The following CTNNA2 variants were observed in gnomAD, a reference collection of about 807,000 sequenced individuals.
The protein encoded by CTNNA2 is catenin alpha-2.
Under a neutral mutation model 101.0 loss-of-function variants are expected in CTNNA2, and 42 were observed. The observed-to-expected ratio is 0.42, with a 90% CI of 0.32 to 0.54. CTNNA2 has a LOEUF of 0.54. Among genes scored for constraint, CTNNA2 ranks in the 20% least tolerant of loss-of-function variants. The pLI, the probability that CTNNA2 is intolerant of heterozygous loss-of-function variation, is 0.14. For missense variants in CTNNA2, 871 were observed against 1,223.1 expected, an observed-to-expected ratio of 0.71 and a Z score of 4.29; for synonymous variants, 450 against 456.4, an observed-to-expected ratio of 0.99 and a Z score of 0.18.
chr2:79,350,530 C>G (rs797008292), intron 3 of CTNNA2, among the ~76,000 whole-genome samples: 1 of 152,078 alleles, frequency 6.6e-6, no homozygotes, highest in African/African-American at 2.4e-5. Context: ...TTATTCCAAT[C>G]CACCTCTGAT....
At chr2:80,358,230 A>G (rs532364690) in intron 7 of CTNNA2, among the ~76,000 whole-genome samples, 30 of 152,166 alleles carry the variant, frequency 2.0e-4, no homozygotes, top group African/African-American at 7.0e-4. Context: ...TTCAATAGTC[A>G]TTAACCATTG....
intron 9 of CTNNA2, among the ~76,000 whole-genome samples, chr2:80,434,692 C>G (rs1310215332): frequency 2.0e-5 from 3 of 151,722 alleles, no homozygotes; most frequent in African/African-American, 7.3e-5. Context: ...GTCTGGAACT[C>G]CTGGGGTCAA....
intron 3 of CTNNA2, among the ~76,000 whole-genome samples, chr2:79,328,276 T>G (rs1676792718): frequency 6.6e-6 from 1 of 151,976 alleles, no homozygotes; most frequent in African/African-American, 2.4e-5. Context: ...AGGAAGCATG[T>G]TTTCAAGGAG....
rs114255340 is a variant in CTNNA2, at chr2:80,196,063, G to A, written c.1057-197148G>A. ...AAGTGATATTTTGCTTACGTGGCAG[G>A]GTAGTGAAATTATGTCTTTGAATGT... On this transcript the variant is annotated intron_variant, in intron 7 of 18. Coordinates refer to ENST00000402739, the MANE Select transcript of CTNNA2 (RefSeq NM_001282597.3). Among the ~76,000 whole-genome samples the A allele has an allele frequency of 4.5e-3, 684 of 152,164 alleles. 6 individuals carry two copies. Among genetic ancestry groups the A allele is most frequent in the African/African-American group, 0.015 (638 of 41,546 alleles).
intron 9 of CTNNA2, among the ~76,000 whole-genome samples, chr2:80,494,538 G>A (rs1481729532): frequency 6.6e-6 from 1 of 151,970 alleles, no homozygotes; most frequent in African/African-American, 2.4e-5. Flanking sequence ...ATAGAACAGA[G>A]GATTCTTGTG....
At chr2:79,202,439 T>C (rs1230728598) in intron 2 of CTNNA2, among the ~76,000 whole-genome samples, 1 of 151,896 alleles carries the variant, frequency 6.6e-6, no homozygotes, top group Non-Finnish European at 1.5e-5. Context: ...GATTCTTGAG[T>C]TCAAGTGATC....
rs1241553780 is a variant in CTNNA2, at chr2:80,297,974, G to GGT, written c.1057-95225_1057-95224dup. Among the ~76,000 whole-genome samples the GGT allele has an allele frequency of 7.9e-5, 12 of 151,204 alleles. 1 individual carries two copies. In the East Asian group the frequency reaches 1.8e-3, roughly 22 times the overall value. On this transcript the variant is annotated intron_variant, in intron 7 of 18. Coordinates refer to ENST00000402739, the MANE Select transcript of CTNNA2 (RefSeq NM_001282597.3). Reference sequence around the variant, plus strand: ...ATGGTCACCTGCCTGCGCGTGTATGGGTGTGTGTGTGTGGTTATATATGTG... The same window carrying GGT: ...ATGGTCACCTGCCTGCGCGTGTATGGGTGTGTGTGTGTGTGGTTATATATGTG...
chr2:80,143,643 C>T (rs552069467), intron 7 of CTNNA2, among the ~76,000 whole-genome samples: 7 of 151,948 alleles, frequency 4.6e-5, no homozygotes, highest in African/African-American at 1.2e-4. Context: ...CACGATATTA[C>T]GTAAAATACA....
chr2:79,647,354 G>A (rs1680893401), intron 1 of CTNNA2, among the ~76,000 whole-genome samples: 1 of 152,122 alleles, frequency 6.6e-6, no homozygotes, highest in Non-Finnish European at 1.5e-5. Context: ...ATATTTCCAG[G>A]AATGTTAGCA....
intron 7 of CTNNA2, among the ~76,000 whole-genome samples, chr2:80,173,818 G>C (rs1705221959): frequency 6.6e-6 from 1 of 152,104 alleles, no homozygotes; most frequent in Non-Finnish European, 1.5e-5. Context: ...AGCTCACCTA[G>C]GGAATGTACA....
intron 9 of CTNNA2, among the ~76,000 whole-genome samples, chr2:80,466,488 A>G (rs1482571600): frequency 6.6e-6 from 1 of 152,242 alleles, no homozygotes; most frequent in African/African-American, 2.4e-5. Context: ...CATTTCTTTA[A>G]CATACCAAAT....
At position 80,302,571 on chromosome 2, in the gene CTNNA2, C is replaced by T. The variant is rs144531548; in HGVS notation, c.1057-90640C>T. On this transcript the variant is annotated intron_variant, in intron 7 of 18. Coordinates refer to ENST00000402739, the MANE Select transcript of CTNNA2 (RefSeq NM_001282597.3). This position sits in a 1 kb window ranked among gnomAD's most constrained non-coding sequence, Gnocchi z 6.4. ...ATCTGCACGGCGTTCTCGGCGTGCTCGCCGCCTGGAAGAGCCACGGTGGCA... is the reference window on the plus strand; with the variant it reads ...ATCTGCACGGCGTTCTCGGCGTGCTTGCCGCCTGGAAGAGCCACGGTGGCA... 6.2e-6 allele frequency: 10 copies of T among 1,607,646 alleles called. No individual in the cohort carries two copies. The highest frequency in any genetic ancestry group is 1.1e-5 in the South Asian group (1 of 91,068).
Position 80,239,961 on chromosome 2 carries a change from A to G in CTNNA2, c.1057-153250A>G, listed in dbSNP as rs866380961. Among the ~76,000 whole-genome samples the G allele has an allele frequency of 1.0e-3, 152 of 152,152 alleles. 1 individual carries two copies. The highest frequency in any genetic ancestry group is 1.7e-3 in the Non-Finnish European group (118 of 68,022). ...CAAAACAAAACAAAGTCATAACAAT[A>G]TACTGTAATAAAAGCTGTGTGAATG... On this transcript the variant is annotated intron_variant, in intron 7 of 18. Transcript: ENST00000402739.
chr2:79,541,664 G>C (rs1384957929), intron 1 of CTNNA2, among the ~76,000 whole-genome samples: 2 of 147,880 alleles, frequency 1.4e-5, no homozygotes, highest in East Asian at 2.0e-4. Context: ...GTCTCTCTCT[G>C]TTGCCAGGCT....
At chr2:79,456,985 A>G (rs1341684350) in intron 4 of CTNNA2, among the ~76,000 whole-genome samples, 1 of 152,118 alleles carries the variant, frequency 6.6e-6, no homozygotes. Flanking sequence ...GCAGATCACG[A>G]GGTCAGGAGA....
intron 3 of CTNNA2, among the ~76,000 whole-genome samples, chr2:79,313,491 G>A (rs1255497255): frequency 6.6e-6 from 1 of 152,176 alleles, no homozygotes; most frequent in Non-Finnish European, 1.5e-5. Flanking sequence ...ATTAGGTGCA[G>A]AGGGGCAAAG....
intron 4 of CTNNA2, among the ~76,000 whole-genome samples, chr2:79,403,119 C>A (rs1678307140): frequency 6.6e-6 from 1 of 151,650 alleles, no homozygotes; most frequent in East Asian, 1.9e-4. Context: ...AAAACTAAAG[C>A]ATAAATAAAG....
intron 7 of CTNNA2, among the ~76,000 whole-genome samples, chr2:80,318,042 C>T (rs1268951587): frequency 6.6e-6 from 1 of 152,168 alleles, no homozygotes; most frequent in Non-Finnish European, 1.5e-5. Flanking sequence ...GACTACCCCT[C>T]ACCCCATCTA....
At chr2:80,420,182 T>C (rs1378547425) in intron 9 of CTNNA2, among the ~76,000 whole-genome samples, 1 of 151,904 alleles carries the variant, frequency 6.6e-6, no homozygotes, top group Non-Finnish European at 1.5e-5. Context: ...AGTTGTTTTA[T>C]AAATGCAAAA....
Sources: gnomAD v4.1 joint callset for allele counts (sites outside exome capture counted in the v4.1 genomes callset) on GRCh38, gnomAD v4.1.1 for gene constraint, Gnocchi (gnomAD v3.1) non-coding constraint, MANE v1.5 for transcripts, NCBI Gene and HGNC (gene_info 2026-07-23, HGNC 2026-07-21) for gene names.